The following IQCM variants were observed in gnomAD, a reference collection of about 807,000 sequenced individuals.
IQCM encodes the protein IQ domain-containing protein M.
IQCM carries 45 observed loss-of-function variants against 57.6 expected under a neutral mutation model. That is an observed-to-expected ratio of 0.78 (90% CI 0.62 to 1.00). The LOEUF is 1.00. Among genes scored for constraint, IQCM ranks in the 50% least tolerant of loss-of-function variants. The pLI is 0.00. For missense variants in IQCM, 468 were observed against 511.6 expected, an observed-to-expected ratio of 0.91 and a Z score of 0.82; for synonymous variants, 148 against 158.9, an observed-to-expected ratio of 0.93 and a Z score of 0.51.
chr4:149,682,218 A>C lies in IQCM; in HGVS notation c.477-12T>G, dbSNP rs1762229936. Reference sequence around the variant, plus strand: ...CCAACATTCTGTTTCTGAAACATTAAGTTGGATCTTTAAGTAATTTGATAG... The same window carrying C: ...CCAACATTCTGTTTCTGAAACATTACGTTGGATCTTTAAGTAATTTGATAG... On this transcript the variant is annotated splice_polypyrimidine_tract_variant and intron_variant, in intron 6 of 13. Transcript: ENST00000636793. 8.7e-7 allele frequency: 1 copy of C among 1,145,282 alleles called. No individual in the cohort carries two copies. Among genetic ancestry groups the C allele is most frequent in the Non-Finnish European group, 1.1e-6 (1 of 909,702 alleles). The allele number at this position is 1,145,282 out of a possible 1,614,324, so 70.9% of individuals were successfully genotyped here.
Position 149,621,390 on chromosome 4 carries a change from G to A in IQCM, c.566-146C>T, listed in dbSNP as rs543065446. On this transcript the variant is annotated intron_variant, in intron 7 of 13. Transcript: ENST00000636793. ...TAAAATCACATCTTGTCATCTAATCGTAGAGAAATGAAGACATGATAGGAT... is the reference window on the plus strand; with the variant it reads ...TAAAATCACATCTTGTCATCTAATCATAGAGAAATGAAGACATGATAGGAT... 46 of 401,956 alleles carry A rather than the reference G, an allele frequency of 1.1e-4. No homozygotes were observed. In the South Asian group the frequency reaches 1.5e-3, roughly 13 times the overall value. The allele number at this position is 401,956 out of a possible 1,614,324, so 24.9% of individuals were successfully genotyped here.
intron 13 of IQCM, among the ~76,000 whole-genome samples, chr4:149,369,052 A>ATATATATATATATGTAT (rs1560780125): frequency 8.2e-6 from 1 of 121,552 alleles, no homozygotes; most frequent in Non-Finnish European, 1.7e-5. Context: ...ATATATATGT[A>ATATATATATATATGTAT]TTTTTTTTTT....
chr4:149,785,462 T>C (rs76249741), intron 2 of IQCM, among the ~76,000 whole-genome samples: 3,395 of 152,288 alleles, frequency 0.022, 62 homozygotes, highest in South Asian at 0.035. Context: ...TTTATTTAAA[T>C]AACTATAGTA....
chr4:149,371,043 CT>C (rs748797971), intron 13 of IQCM, among the ~76,000 whole-genome samples: 1 of 152,086 alleles, frequency 6.6e-6, no homozygotes, highest in Non-Finnish European at 1.5e-5. Flanking sequence ...GAATTTCCTT[CT>C]TTTAGACTTA....
At chr4:149,490,985 G>A (rs1018118710) in intron 12 of IQCM, among the ~76,000 whole-genome samples, 6 of 152,000 alleles carry the variant, frequency 3.9e-5, no homozygotes, top group Non-Finnish European at 8.8e-5. Flanking sequence ...TATGGGACTC[G>A]CCTGGCCTCT....
intron 7 of IQCM, among the ~76,000 whole-genome samples, chr4:149,628,405 G>T (rs1756991534): frequency 6.6e-6 from 1 of 152,050 alleles, no homozygotes; most frequent in Admixed American, 6.6e-5. Context: ...AAAATGTAAT[G>T]GCAGAATAAA....
chr4:149,804,020 G>A (rs1402567475), intron 2 of IQCM, among the ~76,000 whole-genome samples: 1 of 151,822 alleles, frequency 6.6e-6, no homozygotes, highest in African/African-American at 2.4e-5. Flanking sequence ...GGCTGGAGGG[G>A]GCTGGCACTA....
chr4:149,470,812 A>G (rs556945080), intron 12 of IQCM, among the ~76,000 whole-genome samples: 1 of 152,318 alleles, frequency 6.6e-6, no homozygotes, highest in South Asian at 2.1e-4. Context: ...GGATTAAGAA[A>G]CTCACTCAAA....
At chr4:149,358,957 G>C (rs901964955) in intron 13 of IQCM, among the ~76,000 whole-genome samples, 1 of 122,306 alleles carries the variant, frequency 8.2e-6, no homozygotes, top group African/African-American at 3.3e-5. Flanking sequence ...GGGGTAGGGA[G>C]GGTGCAGGAA....
At chr4:149,433,202 C>G (rs1473597109) in intron 13 of IQCM, among the ~76,000 whole-genome samples, 194 bp downstream of exon 13, 1 of 151,974 alleles carries the variant, frequency 6.6e-6, no homozygotes, top group Non-Finnish European at 1.5e-5. Context: ...TGTAGTTCCA[C>G]TATTCTAGCG....
intron 2 of IQCM, among the ~76,000 whole-genome samples, chr4:149,757,183 G>T (rs373466607): frequency 6.6e-6 from 1 of 151,934 alleles, no homozygotes; most frequent in Admixed American, 6.6e-5. Context: ...GCATGAACCC[G>T]GGAGGCAGAG....
At chr4:149,601,063 C>G (rs1042591137) in intron 8 of IQCM, among the ~76,000 whole-genome samples, 64 of 152,220 alleles carry the variant, frequency 4.2e-4, no homozygotes, top group African/African-American at 1.5e-3. Context: ...AAAATTACCT[C>G]GTACACATTG....
chr4:149,812,584 T>G (rs558191834), intron 2 of IQCM, among the ~76,000 whole-genome samples: 2 of 151,988 alleles, frequency 1.3e-5, no homozygotes, highest in East Asian at 3.9e-4. Flanking sequence ...TACAGAGTAT[T>G]CTCTTAAAAT....
At chr4:149,455,080 T>A (rs910372448) in intron 12 of IQCM, among the ~76,000 whole-genome samples, 3 of 152,124 alleles carry the variant, frequency 2.0e-5, no homozygotes, top group Admixed American at 6.6e-5. Flanking sequence ...ACATTCAGTA[T>A]GCTTCTCAAC....
At chr4:149,760,071 A>G (rs1268759919) in intron 2 of IQCM, among the ~76,000 whole-genome samples, 3 of 152,032 alleles carry the variant, frequency 2.0e-5, no homozygotes, top group African/African-American at 7.2e-5. Context: ...ATTAGGAAAA[A>G]TGGCAAGGCT....
intron 10 of IQCM, among the ~76,000 whole-genome samples, chr4:149,557,829 T>C (rs914069791): frequency 1.3e-5 from 2 of 152,220 alleles, no homozygotes; most frequent in African/African-American, 2.4e-5. Context: ...TTCATCTTTC[T>C]TGTATTGACA....
At chr4:149,603,906 C>A (rs1400519116) in intron 8 of IQCM, among the ~76,000 whole-genome samples, 1 of 152,038 alleles carries the variant, frequency 6.6e-6, no homozygotes, top group African/African-American at 2.4e-5. Flanking sequence ...ATATGCACAC[C>A]TGTGACATGT....
chr4:149,775,003 T>C (rs1166008144), intron 2 of IQCM, among the ~76,000 whole-genome samples: 1 of 134,612 alleles, frequency 7.4e-6, no homozygotes, highest in Non-Finnish European at 1.5e-5. Flanking sequence ...TTAATGATCC[T>C]GAAAATAAGC....
At chr4:149,400,778 T>A in intron 13 of IQCM, among the ~76,000 whole-genome samples, 1 of 152,044 alleles carries the variant, frequency 6.6e-6, no homozygotes, top group South Asian at 2.1e-4. Flanking sequence ...AAATTAGGCA[T>A]GGCCAAATGA....
Sources: gnomAD v4.1 joint callset for allele counts (sites outside exome capture counted in the v4.1 genomes callset) on GRCh38, gnomAD v4.1.1 for gene constraint, MANE v1.5 for transcripts, NCBI Gene and HGNC (gene_info 2026-07-23, HGNC 2026-07-21) for gene names.